Variants in MKKS observed in about 807,000 individuals in gnomAD.
MKKS encodes molecular chaperone MKKS.
Under a neutral mutation model 33.2 loss-of-function variants are expected in MKKS, and 29 were observed. That is an observed-to-expected ratio of 0.87 (90% CI 0.65 to 1.19). The LOEUF is 1.19. MKKS is among the 50% of genes most tolerant of loss of function. The pLI is 0.00. For missense variants in MKKS, 661 were observed against 662.3 expected, an observed-to-expected ratio of 1.00 and a Z score of 0.02; for synonymous variants, 260 against 244.0, an observed-to-expected ratio of 1.07 and a Z score of -0.61.
rs1547 is a variant in MKKS, at chr20:10,405,411, G to A, written c.1549C>T (p.Arg517Cys). 204,051 of 1,613,998 alleles carry A rather than the reference G, an allele frequency of 0.13. 14,469 individuals are homozygous for A. Among genetic ancestry groups the A allele is most frequent in the East Asian group, 0.25 (11,229 of 44,870 alleles). ...CAGCTTTGTGGCACAAATGGACGAC[G>A]TGTGCTTCTTAAGAAAGACCAGTTG... is the stretch of plus-strand genomic sequence containing the variant. ...ELNWSFLRST[R>C]RPFVPQSCLP... The change falls in exon 6 of 6, where the codon CGT becomes TGT. Residue 517 changes from arginine to cysteine, a missense_variant. By Grantham distance (180) the Arg-to-Cys change is radical. Transcript: ENST00000347364.
chr20:10,429,208 T>G lies in MKKS; in HGVS notation c.-649+4900A>C, dbSNP rs754337017. Among the ~76,000 whole-genome samples the G allele has an allele frequency of 2.0e-5, 3 of 152,182 alleles. No homozygotes were observed. The East Asian group carries it at 5.8e-4, about 29-fold the overall frequency. On this transcript the variant is annotated intron_variant, in intron 1 of 5. Coordinates refer to ENST00000347364, the MANE Select transcript of MKKS (RefSeq NM_170784.3). ...TTCTCCATGGAAAGTGTTCTGACCA[T>G]AAAGATCACCAATCCTTCCCCTTAC...
At chr20:10,429,732 C>T (rs777139520) in intron 1 of MKKS, among the ~76,000 whole-genome samples, 2 of 152,194 alleles carry the variant, frequency 1.3e-5, no homozygotes, top group African/African-American at 2.4e-5. Flanking sequence ...AATCCCTCCT[C>T]CCTAGGGTCA....
Position 10,402,129 on chromosome 20 carries a change from C to T in MKKS, c.*3118G>A, listed in dbSNP as rs6108540. ...CACGAAATTATTGAGCAGCTGTCAC[C>T]GACTTCATTTTCTTCTTCACACTCT... On this transcript the variant is annotated 3_prime_UTR_variant, in exon 6 of 6. Transcript: ENST00000347364. The T allele has an allele frequency of 0.14, 21,766 of 152,058 alleles. 1,740 individuals are homozygous for T. The highest frequency in any genetic ancestry group is 0.26 in the South Asian group (1,235 of 4,806). The allele number at this position is 152,058 out of a possible 1,614,324, so 9.4% of individuals were successfully genotyped here.
At chr20:10,408,931 G>T in intron 3 of MKKS, 128 bp from the exon 4 acceptor site, 2 of 673,268 alleles carry the variant, frequency 3.0e-6, no homozygotes, top group Non-Finnish European at 5.0e-6. Context: ...ATGAAATACA[G>T]GATAAATAAG....
intron 1 of MKKS, among the ~76,000 whole-genome samples, chr20:10,421,330 A>G (rs1471905967): frequency 2.0e-5 from 3 of 151,606 alleles, no homozygotes; most frequent in Non-Finnish European, 4.4e-5. Context: ...AGGCTGAGTC[A>G]GGAGACTTGC....
chr20:10,415,969 T>C (rs1278720548), intron 2 of MKKS, among the ~76,000 whole-genome samples: 1 of 151,296 alleles, frequency 6.6e-6, no homozygotes. Context: ...CAAAAGAAGG[T>C]ACAAGAAAGA....
chr20:10,419,340 AAT>A (rs2064963021), intron 2 of MKKS, among the ~76,000 whole-genome samples: 1 of 152,180 alleles, frequency 6.6e-6, no homozygotes, highest in Admixed American at 6.5e-5. Flanking sequence ...TTATAAATAC[AAT>A]ATAGTGTATA....
intron 3 of MKKS, among the ~76,000 whole-genome samples, chr20:10,409,328 T>C (rs955202348): frequency 2.6e-5 from 4 of 152,242 alleles, no homozygotes; most frequent in African/African-American, 9.6e-5. Context: ...GGCAACTATT[T>C]ATAAAATAGC....
intron 2 of MKKS, among the ~76,000 whole-genome samples, chr20:10,420,226 T>A (rs2064969762): frequency 6.6e-6 from 1 of 152,140 alleles, no homozygotes; most frequent in Non-Finnish European, 1.5e-5. Context: ...AATTTGGACT[T>A]TTGTGATATG....
intron 4 of MKKS, among the ~76,000 whole-genome samples, chr20:10,407,948 C>A (rs967417702): frequency 6.6e-6 from 1 of 152,062 alleles, no homozygotes; most frequent in Non-Finnish European, 1.5e-5. Flanking sequence ...TTTCACGGAG[C>A]CAGATTAGTA....
chr20:10,405,556 A>G lies in MKKS; in HGVS notation c.1404T>C (p.Ile468=). Residue 468 remains isoleucine (I), a synonymous_variant, in exon 6 of 6, where the codon ATT becomes ATC. Coordinates refer to ENST00000347364, the MANE Select transcript of MKKS (RefSeq NM_170784.3). The part of the protein sequence containing the change: ...VGSLEHDGGE[I]LTDMKYGHLW... ...GGTGTCCATACTTCATGTCAGTGAG[A>G]ATTTCACCTCCATCATGTTCTAAAG... 1 of 1,614,184 alleles carries G rather than the reference A, an allele frequency of 6.2e-7. No individual in the cohort carries two copies. Among genetic ancestry groups the G allele is most frequent in the East Asian group, 2.2e-5 (1 of 44,882 alleles).
At chr20:10,428,921 A>C (rs2065035186) in intron 1 of MKKS, among the ~76,000 whole-genome samples, 1 of 152,098 alleles carries the variant, frequency 6.6e-6, no homozygotes, top group Admixed American at 6.5e-5. Context: ...TTCCAGTCCC[A>C]CTTTCTACTG....
At chr20:10,432,562 G>A (rs893001928) in intron 1 of MKKS, among the ~76,000 whole-genome samples, 1 of 152,110 alleles carries the variant, frequency 6.6e-6, no homozygotes, top group African/African-American at 2.4e-5. Context: ...GGATGCCGAG[G>A]CGGGTGGATC....
At chr20:10,424,435 A>G (rs1292145034) in intron 1 of MKKS, among the ~76,000 whole-genome samples, 1 of 152,150 alleles carries the variant, frequency 6.6e-6, no homozygotes, top group Non-Finnish European at 1.5e-5. Flanking sequence ...ACATTGGCAT[A>G]TAACTTTAAA....
At position 10,404,749 on chromosome 20, in the gene MKKS, A is replaced by G. The variant is rs1003396203; in HGVS notation, c.*498T>C. ...ACCACTGAAGAATATAGCTTGAGAT[A>G]AAGGGCATGGAGAAAAGTGAAATTT... On this transcript the variant is annotated 3_prime_UTR_variant, in exon 6 of 6. Transcript: ENST00000347364. 6.6e-6 allele frequency: 1 copy of G among 152,584 alleles called. No homozygotes were observed. Among genetic ancestry groups the G allele is most frequent in the East Asian group, 1.9e-4 (1 of 5,208 alleles). 9.5% of individuals were successfully genotyped at this position (152,584 alleles called of 1,614,324 possible). A position where few individuals can be genotyped will look rare whatever the true frequency, so the allele number is the denominator to read the frequency against.
chr20:10,426,678 A>G (rs1204228333), intron 1 of MKKS, among the ~76,000 whole-genome samples: 1 of 152,260 alleles, frequency 6.6e-6, no homozygotes, highest in Non-Finnish European at 1.5e-5. Flanking sequence ...GATTACAGGC[A>G]TGAGCCATGC....
chr20:10,413,557 A>G lies in MKKS; in HGVS notation c.-43T>C. 6.2e-7 allele frequency: 1 copy of G among 1,605,688 alleles called. No individual in the cohort carries two copies. The highest frequency in any genetic ancestry group is 2.2e-5 in the East Asian group (1 of 44,834). ...CTAGTGAAGACCGTTTTTATTTTGT[A>G]AACCACATTTTTCTATTTATTGCAT... On this transcript the variant is annotated 5_prime_UTR_variant, in exon 3 of 6. Coordinates refer to ENST00000347364, the MANE Select transcript of MKKS (RefSeq NM_170784.3).
At chr20:10,432,388 T>C (rs559265145) in intron 1 of MKKS, among the ~76,000 whole-genome samples, 6 of 152,330 alleles carry the variant, frequency 3.9e-5, no homozygotes, top group African/African-American at 1.2e-4. Flanking sequence ...TAGGACAATC[T>C]AGAAACATCT....
At chr20:10,423,625 G>C (rs111260343) in intron 1 of MKKS, among the ~76,000 whole-genome samples, 2 of 152,180 alleles carry the variant, frequency 1.3e-5, no homozygotes, top group Non-Finnish European at 2.9e-5. Context: ...TTTGAGAAGA[G>C]TGAAAATTAT....
Sources: gnomAD v4.1 joint callset for allele counts (sites outside exome capture counted in the v4.1 genomes callset) on GRCh38, gnomAD v4.1.1 for gene constraint, MANE v1.5 for transcripts, NCBI Gene and HGNC (gene_info 2026-07-23, HGNC 2026-07-21) for gene names.